KANSL1: variants seen among roughly 807,000 people sequenced by gnomAD.
The protein encoded by KANSL1 is KAT8 regulatory NSL complex subunit 1, also known as MLL1/MLL complex subunit KANSL1.
Under a neutral mutation model 103.6 loss-of-function variants are expected in KANSL1, and 22 were observed. That is an observed-to-expected ratio of 0.21 (90% confidence interval 0.15 to 0.30). The LOEUF (loss-of-function observed/expected upper bound fraction) is 0.30, where lower values mean the gene tolerates loss of function less well. KANSL1 is among the 10% of genes least tolerant of loss of function. KANSL1 has a pLI of 1.00. For missense variants in KANSL1, 1,337 were observed against 1,399.8 expected, an observed-to-expected ratio of 0.96 and a Z score of 0.72; for synonymous variants, 600 against 527.6, an observed-to-expected ratio of 1.14 and a Z score of -1.88.
At chr17:46,220,997 T>C (rs1427484811) in intron 1 of KANSL1, among the ~76,000 whole-genome samples, 2 of 30,338 alleles carry the variant, frequency 6.6e-5, no homozygotes, top group African/African-American at 1.0e-4. Context: ...CCTAAAGATC[T>C]TTTTTTTTTT....
intron 6 of KANSL1, among the ~76,000 whole-genome samples, chr17:46,063,897 T>G (rs976967599): frequency 3.1e-5 from 4 of 130,428 alleles, no homozygotes; most frequent in African/African-American, 8.2e-5. Context: ...GAGGTGGCGG[T>G]TTTTTTTTTT....
At chr17:46,101,938 T>C (rs2042340170) in intron 2 of KANSL1, among the ~76,000 whole-genome samples, 3 of 152,218 alleles carry the variant, frequency 2.0e-5, no homozygotes. Context: ...GAGAGTTTCT[T>C]GAGCTTTGAA....
intron 2 of KANSL1, among the ~76,000 whole-genome samples, chr17:46,167,586 T>C (rs1346563296): frequency 5.3e-5 from 8 of 152,226 alleles, no homozygotes; most frequent in Non-Finnish European, 8.8e-5. Flanking sequence ...AAGGAAGATA[T>C]GTGAAATATT....
At chr17:46,034,532 T>C in intron 10 of KANSL1, 2 of 418,940 alleles carry the variant, frequency 4.8e-6, no homozygotes, top group Non-Finnish European at 4.3e-6. Flanking sequence ...CCCTCTTCCT[T>C]CAAGGGCTCA....
intron 3 of KANSL1, among the ~76,000 whole-genome samples, chr17:46,091,518 C>A (rs1185829807): frequency 6.6e-6 from 1 of 151,884 alleles, no homozygotes; most frequent in East Asian, 1.9e-4. Context: ...TTTCAGTTAC[C>A]CTTCACCCAC....
intron 1 of KANSL1, chr17:46,192,347 T>C (rs1416502692): frequency 6.6e-6 from 1 of 150,850 alleles, no homozygotes; most frequent in Non-Finnish European, 1.5e-5. Context: ...AGACTACATC[T>C]GAAAACGTAA....
Position 46,171,541 on chromosome 17 carries a change from C to T in KANSL1, c.603G>A (p.Leu201=). The change falls in exon 2 of 15, where the codon TTG becomes TTA. Residue 201 remains leucine, a synonymous_variant. Transcript: ENST00000432791. The stretch of plus-strand genomic sequence containing the variant: ...GAGTGCAATTGGTCATACCCCCCTT[C>T]AAGTCCCCAGATTCAGATCCTCCCA... The part of the protein sequence containing the change: ...GEMGGSESGD[L]KGGMTNCTLP... 1 of 1,612,354 alleles carries T rather than the reference C, an allele frequency of 6.2e-7. No homozygotes were observed. Among genetic ancestry groups the T allele is most frequent in the South Asian group, 1.1e-5 (1 of 90,904 alleles).
In KANSL1 at chr17:46,084,565, C is replaced by T. The variant is rs966424443; in HGVS notation, c.1432-2023G>A. Among the ~76,000 whole-genome samples, 3 of 151,806 alleles carry T rather than the reference C, an allele frequency of 2.0e-5. No homozygotes were observed. The East Asian group carries it at 5.8e-4, about 29-fold the overall frequency. Reference sequence around the variant, plus strand: ...GGCGTGGTGGTGAGCCCCTGTAATCCCAGCTACTTGGGAGGCTGAGGCAGG... The same window carrying T: ...GGCGTGGTGGTGAGCCCCTGTAATCTCAGCTACTTGGGAGGCTGAGGCAGG... On this transcript the variant is annotated intron_variant, in intron 3 of 14. Transcript: ENST00000432791.
At chr17:46,192,173 A>G (rs1394584568) in intron 1 of KANSL1, among the ~76,000 whole-genome samples, 1 of 152,228 alleles carries the variant, frequency 6.6e-6, no homozygotes, top group Non-Finnish European at 1.5e-5. Flanking sequence ...AAGACACGGG[A>G]GTAGCGCTGT....
At chr17:46,119,583 A>C (rs1485729058) in intron 2 of KANSL1, among the ~76,000 whole-genome samples, 2 of 152,218 alleles carry the variant, frequency 1.3e-5, no homozygotes, top group African/African-American at 4.8e-5. Flanking sequence ...CTGGGGATAC[A>C]GGCGTGAGCC....
chr17:46,185,708 C>T (rs377716637), intron 1 of KANSL1, among the ~76,000 whole-genome samples: 95 of 137,904 alleles, frequency 6.9e-4, no homozygotes, highest in East Asian at 2.2e-3. Context: ...CACACACACA[C>T]ACACACACAC....
chr17:46,089,745 C>T (rs1285107839), intron 3 of KANSL1, among the ~76,000 whole-genome samples: 1 of 152,208 alleles, frequency 6.6e-6, no homozygotes. Context: ...TAGCTCTGCA[C>T]TCACTTGGAT....
intron 2 of KANSL1, among the ~76,000 whole-genome samples, chr17:46,118,219 G>A (rs956296746): frequency 6.6e-6 from 1 of 151,886 alleles, no homozygotes; most frequent in Non-Finnish European, 1.5e-5. Context: ...TTGTAGTTGG[G>A]TTTTCTTCGG....
intron 1 of KANSL1, among the ~76,000 whole-genome samples, chr17:46,174,120 T>G (rs113595307): frequency 1.3e-5 from 2 of 152,240 alleles, no homozygotes; most frequent in Non-Finnish European, 2.9e-5. Flanking sequence ...AAGATTAGTG[T>G]TTTTGAAAAC....
chr17:46,061,152 C>T (rs560820518), intron 6 of KANSL1, among the ~76,000 whole-genome samples: 5 of 152,052 alleles, frequency 3.3e-5, no homozygotes. Flanking sequence ...GTTTCCACTG[C>T]CAGACTATAC....
At chr17:46,188,699 G>A (rs188773933) in intron 1 of KANSL1, among the ~76,000 whole-genome samples, 1 of 152,260 alleles carries the variant, frequency 6.6e-6, no homozygotes, top group Non-Finnish European at 1.5e-5. Flanking sequence ...TTAAAATGAA[G>A]AAAGAGTACA....
chr17:46,095,282 T>C (rs113010311), intron 2 of KANSL1, among the ~76,000 whole-genome samples: 1,540 of 152,244 alleles, frequency 0.01, 29 homozygotes, highest in African/African-American at 0.032. Flanking sequence ...TTCAAAGAAA[T>C]TCCAATCAAA....
chr17:46,212,844 C>T (rs1008609041), intron 1 of KANSL1, among the ~76,000 whole-genome samples: 1 of 152,174 alleles, frequency 6.6e-6, no homozygotes, highest in African/African-American at 2.4e-5. Context: ...TCACCACCTT[C>T]GACAGCACAG....
chr17:46,099,666 G>A (rs113254909), intron 2 of KANSL1, among the ~76,000 whole-genome samples: 106 of 152,316 alleles, frequency 7.0e-4, no homozygotes, highest in African/African-American at 2.5e-3. Flanking sequence ...TGCTATTAGT[G>A]AAATAACTGT....
Sources: allele counts gnomAD v4.1 joint callset (sites outside exome capture counted in the v4.1 genomes callset), GRCh38; gene constraint gnomAD v4.1.1; transcripts MANE v1.5; gene names NCBI Gene and HGNC (gene_info 2026-07-23, HGNC 2026-07-21).